Variants in PLEKHG4B observed in about 807,000 individuals in gnomAD.
PLEKHG4B encodes pleckstrin homology domain-containing family G member 4B.
A neutral mutation model predicts 121.3 loss-of-function variants in PLEKHG4B; 111 were observed. The observed-to-expected ratio is 0.92, with a 90% CI of 0.78 to 1.07. PLEKHG4B has a LOEUF of 1.07. Ranked by LOEUF, PLEKHG4B falls within the 50% of genes least tolerant of loss-of-function variation. The probability of loss-of-function intolerance (pLI) is 0.00; values close to 1 mark genes in which losing one functional copy is unlikely to be tolerated. For synonymous variants in PLEKHG4B, 738 were observed against 725.0 expected, an observed-to-expected ratio of 1.02 and a Z score of -0.29; for missense variants, 1,831 against 1,757.8, an observed-to-expected ratio of 1.04 and a Z score of -0.74.
rs1240754310 is a variant in PLEKHG4B at position 139,317 on chromosome 5, A to G, written c.244-166A>G. On this transcript the variant is annotated intron_variant, in intron 2 of 19. Transcript: ENST00000637938. This position sits in a 1 kb window ranked among gnomAD's most constrained non-coding sequence, Gnocchi z 5.0. ...GAGCAGCCCGTGTTTTCTAGTCCTAATGACCTGCTTTATGTTCCAAGGAAC... is the reference window on the plus strand; with the variant it reads ...GAGCAGCCCGTGTTTTCTAGTCCTAGTGACCTGCTTTATGTTCCAAGGAAC... Among the ~76,000 whole-genome samples, 1 of 152,178 alleles carries G rather than the reference A, an allele frequency of 6.6e-6. No individual in the cohort carries two copies.
chr5:155,081 C>A, intron 8 of PLEKHG4B, 90 bp downstream of exon 8: 2 of 1,131,796 alleles, frequency 1.8e-6, no homozygotes, highest in Non-Finnish European at 2.6e-6. Flanking sequence ...AAAAGGGCAT[C>A]ACCGTCCCTG....
At chr5:172,798 C>G in intron 16 of PLEKHG4B, 99 bp from the exon 17 acceptor site, 2 of 1,370,060 alleles carry the variant, frequency 1.5e-6, no homozygotes, top group Non-Finnish European at 2.1e-6. Flanking sequence ...GCTGTTCCGT[C>G]TTGTCACGAA....
chr5:163,414 C>A lies in PLEKHG4B; in HGVS notation c.3342C>A (p.Thr1114=), dbSNP rs760950642. 2 of 1,613,030 alleles carry A rather than the reference C, an allele frequency of 1.2e-6. No individual in the cohort carries two copies. The highest frequency in any genetic ancestry group is 1.7e-6 in the Non-Finnish European group (2 of 1,180,040). The change falls in exon 13 of 20, where the codon ACC becomes ACA. Residue 1114 remains threonine, a synonymous_variant. Coordinates refer to ENST00000637938, the MANE Select transcript of PLEKHG4B (RefSeq NM_052909.5). ...TCTTCAGCAAGGGCCTGGAGGTAAC[C>A]AGCACTGTAGCCACAGAGAAGAAGC... is the stretch of plus-strand genomic sequence containing the variant. ...TSVFSKGLEV[T]STVATEKKLP...
At chr5:141,459 G>A (rs1027822064) in intron 3 of PLEKHG4B, among the ~76,000 whole-genome samples, 10 of 150,042 alleles carry the variant, frequency 6.7e-5, no homozygotes, top group East Asian at 2.0e-4. Flanking sequence ...CCCTCTGACC[G>A]TCCTCCGTGG....
At position 140,626 on chromosome 5, in the gene PLEKHG4B, G is replaced by A. The variant is rs1735139688; in HGVS notation, c.1387G>A (p.Gly463Ser). The A allele has an allele frequency of 3.1e-6, 5 of 1,610,980 alleles. No individual in the cohort carries two copies. In the East Asian group the frequency reaches 1.1e-4, roughly 36 times the overall value. Residue 463 changes from glycine to serine, a missense_variant, in exon 3 of 20, where the codon GGC becomes AGC. Physicochemically the swap from Gly to Ser is moderately conservative, Grantham distance 56. Coordinates refer to ENST00000637938, the MANE Select transcript of PLEKHG4B (RefSeq NM_052909.5). ...AACHTSHHSAGSRPGGHLGGQ... is the reference protein window; with the variant it reads ...AACHTSHHSASSRPGGHLGGQ... Reference sequence around the variant, plus strand: ...CTGCCACACCTCCCACCACTCAGCAGGCTCCAGGCCTGGGGGCCACCTAGG... The same window carrying A: ...CTGCCACACCTCCCACCACTCAGCAAGCTCCAGGCCTGGGGGCCACCTAGG...
intron 1 of PLEKHG4B, among the ~76,000 whole-genome samples, chr5:104,855 A>G (rs1276406539): frequency 6.6e-6 from 1 of 152,256 alleles, no homozygotes; most frequent in African/African-American, 2.4e-5. Flanking sequence ...CACTAACACC[A>G]TAAATTACAA....
intron 2 of PLEKHG4B, among the ~76,000 whole-genome samples, chr5:135,665 C>CAAAAAAAA (rs139636561): frequency 1.3e-3 from 23 of 18,110 alleles, no homozygotes; most frequent in Admixed American, 2.0e-3. Context: ...GACTCCATCT[C>CAAAAAAAA]AAAAAAAAAA....
At chr5:176,501 G>A (rs1352217360) in intron 18 of PLEKHG4B, among the ~76,000 whole-genome samples, 9 of 152,256 alleles carry the variant, frequency 5.9e-5, no homozygotes, top group East Asian at 1.9e-4. Flanking sequence ...GACGGGGTCC[G>A]TGCTCGCAAG....
At chr5:163,606 A>G in intron 13 of PLEKHG4B, 58 bp downstream of exon 13, 7 of 1,388,218 alleles carry the variant, frequency 5.0e-6, no homozygotes, top group Non-Finnish European at 6.7e-6. Context: ...TAGAAACCCA[A>G]AGCCATTTAG....
At chr5:98,794 A>G (rs573870847) in intron 1 of PLEKHG4B, among the ~76,000 whole-genome samples, 2 of 145,600 alleles carry the variant, frequency 1.4e-5, no homozygotes, top group Non-Finnish European at 3.0e-5. Context: ...CTTTGTAATA[A>G]GTTTTGAAAT....
In PLEKHG4B at chr5:183,853, T is replaced by A. The variant is rs981868227; in HGVS notation, c.*1530T>A. On this transcript the variant is annotated 3_prime_UTR_variant, in exon 20 of 20. Transcript: ENST00000637938. ...AACTATCCTGGATGGGGTAACAGAT[T>A]GGATTTCACAGAAGAGACCATGAGG... 6.6e-6 allele frequency: 1 copy of A among 152,162 alleles called. No homozygotes were observed. The highest frequency in any genetic ancestry group is 2.4e-5 in the African/African-American group (1 of 41,438). The allele number at this position is 152,162 out of a possible 1,614,324, so 9.4% of individuals were successfully genotyped here.
chr5:181,416 C>T, intron 18 of PLEKHG4B, 98 bp from the exon 19 acceptor site: 1 of 1,321,952 alleles, frequency 7.6e-7, no homozygotes, highest in Non-Finnish European at 1.1e-6. Flanking sequence ...TGTACACCCT[C>T]CTGGTTTGGG....
rs778011478 is a variant in PLEKHG4B, at chr5:162,832, C to G, written c.2760C>G (p.Phe920Leu). The G allele has an allele frequency of 1.3e-6, 2 of 1,512,446 alleles. No individual in the cohort carries two copies. The highest frequency in any genetic ancestry group is 4.4e-5 in the Admixed American group (2 of 45,228). The allele number at this position is 1,512,446 out of a possible 1,614,324, so 93.7% of individuals were successfully genotyped here. ...QEATSVAAEA[F>L]PGAGVAVLKP... is the part of the protein sequence containing the mutation. Reference sequence around the variant, plus strand: ...CTACCTCGGTGGCTGCAGAGGCCTTCCCCGGGGCAGGTGTGGCAGTGCTGA... The same window carrying G: ...CTACCTCGGTGGCTGCAGAGGCCTTGCCCGGGGCAGGTGTGGCAGTGCTGA... The change falls in exon 13 of 20, where the codon TTC (phenylalanine) becomes TTG (leucine). Residue 920 changes from phenylalanine to leucine, a missense_variant. Transcript: ENST00000637938.
intron 1 of PLEKHG4B, among the ~76,000 whole-genome samples, chr5:106,721 G>A (rs758429312): frequency 6.6e-6 from 1 of 152,236 alleles, no homozygotes; most frequent in Non-Finnish European, 1.5e-5. Flanking sequence ...GTTGACGTGA[G>A]AGCCGGAGCC....
Position 135,683 on chromosome 5 carries a change from ATATATAT to A in PLEKHG4B, c.244-3799_244-3793del, listed in dbSNP as rs1453403081. Among the ~76,000 whole-genome samples, 121 of 16,110 alleles carry A rather than the reference ATATATAT, an allele frequency of 7.5e-3. 7 individuals carry two copies. The highest frequency in any genetic ancestry group is 0.024 in the African/African-American group (103 of 4,324). 10.6% of individuals were successfully genotyped at this position (16,110 alleles called of 152,430 possible). A position where few individuals can be genotyped will look rare whatever the true frequency, so the allele number is the denominator to read the frequency against. On this transcript the variant is annotated intron_variant, in intron 2 of 19. Transcript: ENST00000637938. ...TCCATCTCAAAAAAAAAAAAAAAAAATATATATATATATATATATATATATATATATA... is the reference window on the plus strand; with the variant it reads ...TCCATCTCAAAAAAAAAAAAAAAAAAATATATATATATATATATATATATA...
Position 135,685 on chromosome 5 carries a change from ATATATATATATATATAT to A in PLEKHG4B, c.244-3797_244-3781del, listed in dbSNP as rs1560918194. 2.8e-3 allele frequency among the ~76,000 whole-genome samples: 87 copies of A among 31,066 alleles called. 8 individuals carry two copies. The highest frequency in any genetic ancestry group is 0.013 in the African/African-American group (82 of 6,312). The allele number at this position is 31,066 out of a possible 152,430, so 20.4% of individuals were successfully genotyped here. On this transcript the variant is annotated intron_variant, in intron 2 of 19. Transcript: ENST00000637938. Reference sequence around the variant, plus strand: ...CATCTCAAAAAAAAAAAAAAAAAATATATATATATATATATATATATATATATATATATATATATATA... The same window carrying A: ...CATCTCAAAAAAAAAAAAAAAAAATAATATATATATATATATATATATATA...
chr5:155,321 C>G (rs564758379), intron 8 of PLEKHG4B, 24 bp from the exon 9 acceptor site: 1 of 1,584,034 alleles, frequency 6.3e-7, no homozygotes, highest in South Asian at 1.1e-5. Flanking sequence ...TTCTTATAAT[C>G]TCCTCCCTCT....
At position 143,403 on chromosome 5, in the gene PLEKHG4B, G is replaced by T. The variant is rs1172188603; in HGVS notation, c.1711G>T (p.Ala571Ser). Residue 571 changes from alanine (A) to serine (S), a missense_variant, in exon 5 of 20, where the codon GCA becomes TCA. By Grantham distance (99) the Ala-to-Ser change is moderately conservative (BLOSUM62 1). Transcript: ENST00000637938. ...AGGGACCCGAGACCGTCATGGCAGAGCAGTGGTGCAGGTCCGCACCAGGAG... is the reference window on the plus strand; with the variant it reads ...AGGGACCCGAGACCGTCATGGCAGATCAGTGGTGCAGGTCCGCACCAGGAG... Reference protein sequence around the residue: ...LPGTRDRHGRAVVQVRTRSLL... With the variant: ...LPGTRDRHGRSVVQVRTRSLL... 6.2e-6 allele frequency: 10 copies of T among 1,612,814 alleles called. No homozygotes were observed. Among genetic ancestry groups the T allele is most frequent in the Non-Finnish European group, 8.5e-6 (10 of 1,179,976 alleles).
intron 1 of PLEKHG4B, among the ~76,000 whole-genome samples, chr5:108,498 G>A (rs922080791): frequency 8.3e-5 from 11 of 132,210 alleles, no homozygotes; most frequent in African/African-American, 1.7e-4. Context: ...GTAGACAGAC[G>A]GTGCAGATGG....
Sources: gnomAD v4.1 joint callset for allele counts (sites outside exome capture counted in the v4.1 genomes callset) on GRCh38, gnomAD v4.1.1 for gene constraint, Gnocchi (gnomAD v3.1) non-coding constraint, MANE v1.5 for transcripts, NCBI Gene and HGNC (gene_info 2026-07-23, HGNC 2026-07-21) for gene names.